FAF1: variants seen among roughly 807,000 people sequenced by gnomAD.
FAF1 encodes the protein Fas associated factor 1.
FAF1 carries 25 observed loss-of-function variants against 92.5 expected under a neutral mutation model. That is an observed-to-expected ratio of 0.27 (90% CI 0.20 to 0.38). The LOEUF is 0.38. FAF1 is among the 10% of genes least tolerant of loss of function. The pLI is 1.00. For missense variants in FAF1, 636 were observed against 793.3 expected (o/e 0.80, Z 2.38); for synonymous variants, 234 against 273.2 (o/e 0.86, Z 1.42).
At chr1:50,702,068 A>G (rs561508024) in intron 7 of FAF1, among the ~76,000 whole-genome samples, 3 of 152,248 alleles carry the variant, frequency 2.0e-5, no homozygotes, top group Admixed American at 6.5e-5. Flanking sequence ...TTTATATGAC[A>G]TCTACAAAGA....
chr1:50,889,003 T>C (rs1644695327), intron 1 of FAF1, among the ~76,000 whole-genome samples: 1 of 152,208 alleles, frequency 6.6e-6, no homozygotes, highest in Admixed American at 6.5e-5. Flanking sequence ...CCGGACTTTT[T>C]TTGGTTGGTA....
At chr1:50,883,895 C>A (rs570018277) in intron 1 of FAF1, among the ~76,000 whole-genome samples, 3 of 152,192 alleles carry the variant, frequency 2.0e-5, no homozygotes, top group African/African-American at 7.2e-5. Context: ...GAGGGTGAGG[C>A]AGGCGGATCA....
chr1:50,682,105 G>T (rs974203173), intron 7 of FAF1, among the ~76,000 whole-genome samples: 1 of 151,994 alleles, frequency 6.6e-6, no homozygotes, highest in African/African-American at 2.4e-5. Context: ...AAAGTGAAGG[G>T]ATTACAGGTG....
intron 4 of FAF1, among the ~76,000 whole-genome samples, chr1:50,761,242 C>T (rs543607523): frequency 1.1e-3 from 164 of 152,254 alleles, no homozygotes; most frequent in African/African-American, 3.1e-3. Context: ...AATTCACAGC[C>T]GAATTCTACC....
intron 4 of FAF1, among the ~76,000 whole-genome samples, chr1:50,773,701 A>C (rs1660852528): frequency 6.6e-6 from 1 of 152,194 alleles, no homozygotes; most frequent in South Asian, 2.1e-4. Flanking sequence ...TCCGTGGATA[A>C]AGAGAAAATA....
intron 1 of FAF1, among the ~76,000 whole-genome samples, chr1:50,868,483 C>T (rs909705722): frequency 3.9e-5 from 6 of 152,034 alleles, no homozygotes; most frequent in African/African-American, 9.7e-5. Context: ...CAGCTTCTTA[C>T]GGTGGAAGTA....
At chr1:50,834,629 G>A (rs1033789116) in intron 2 of FAF1, among the ~76,000 whole-genome samples, 6 of 152,180 alleles carry the variant, frequency 3.9e-5, no homozygotes, top group African/African-American at 1.4e-4. Context: ...CAATACTCAG[G>A]ATGAACAAAG....
intron 12 of FAF1, among the ~76,000 whole-genome samples, chr1:50,577,926 A>T (rs2149063386): frequency 6.6e-6 from 1 of 152,352 alleles, no homozygotes; most frequent in Non-Finnish European, 1.5e-5. Flanking sequence ...AGGCAAAAAG[A>T]ACGATGAGTA....
At chr1:50,832,198 ATCCTC>A (rs1158231119) in intron 2 of FAF1, among the ~76,000 whole-genome samples, 1 of 152,162 alleles carries the variant, frequency 6.6e-6, no homozygotes, top group Admixed American at 6.5e-5. Flanking sequence ...TCCCAAAACC[ATCCTC>A]TACTCCAGTC....
rs145301607 is a variant in FAF1 at position 50,602,589 on chromosome 1, G to A, written c.745-6373C>T. 2.8e-3 allele frequency among the ~76,000 whole-genome samples: 412 copies of A among 147,282 alleles called. 4 individuals are homozygous for A. Among genetic ancestry groups the A allele is most frequent in the Non-Finnish European group, 1.0e-3 (70 of 67,466 alleles). On this transcript the variant is annotated intron_variant, in intron 8 of 18. Transcript: ENST00000396153. ...GTGATCTCAGCTCACTGCAACCTCC[G>A]TCTCCCAGGTTCAAACGATTCTCCT...
At chr1:50,497,556 T>C in intron 15 of FAF1, among the ~76,000 whole-genome samples, 1 of 122,726 alleles carries the variant, frequency 8.1e-6, no homozygotes, top group African/African-American at 3.5e-5. Flanking sequence ...TTTTTTTTTT[T>C]TTTTTTTTTT....
intron 6 of FAF1, among the ~76,000 whole-genome samples, chr1:50,731,772 C>T (rs959443066): frequency 1.3e-5 from 2 of 152,124 alleles, no homozygotes; most frequent in Non-Finnish European, 2.9e-5. Flanking sequence ...TTTATGTTCA[C>T]TTCTAAGTAT....
intron 3 of FAF1, among the ~76,000 whole-genome samples, chr1:50,800,057 A>G (rs775162244): frequency 4.6e-5 from 7 of 152,204 alleles, no homozygotes; most frequent in Non-Finnish European, 8.8e-5. Flanking sequence ...CAAAAAAAGC[A>G]AACAAAACCA....
At chr1:50,730,513 C>A (rs924628465) in intron 6 of FAF1, among the ~76,000 whole-genome samples, 65 of 152,146 alleles carry the variant, frequency 4.3e-4, no homozygotes, top group Admixed American at 4.1e-3. Context: ...ACTTACTCTG[C>A]GGTTATTATT....
intron 4 of FAF1, chr1:50,781,145 C>G: frequency 3.7e-6 from 1 of 271,552 alleles, no homozygotes; most frequent in South Asian, 3.5e-5. Context: ...CTCCGGGTGC[C>G]CCGGTGAGGG....
At chr1:50,923,672 G>T (rs747027656) in intron 1 of FAF1, among the ~76,000 whole-genome samples, 2 of 152,050 alleles carry the variant, frequency 1.3e-5, no homozygotes, top group African/African-American at 2.4e-5. Flanking sequence ...AGATTCGATA[G>T]AATCCTCAAC....
At chr1:50,467,708 C>T (rs967469782) in intron 18 of FAF1, among the ~76,000 whole-genome samples, 3 of 152,130 alleles carry the variant, frequency 2.0e-5, no homozygotes, top group East Asian at 3.8e-4. Flanking sequence ...ACACAGGCTC[C>T]GCAGTCATAT....
In FAF1 at chr1:50,922,818, CAA is replaced by C. The variant is rs754253837; in HGVS notation, c.45+36947_45+36948del. ...CAGGCAACAGTGCGAGAATCCACCA[CAA>C]AAAAAAAAAAAAAAAAAAAGGCAAA... On this transcript the variant is annotated intron_variant, in intron 1 of 18. Transcript: ENST00000396153. 4.7e-3 allele frequency among the ~76,000 whole-genome samples: 267 copies of C among 56,878 alleles called. 2 individuals are homozygous for C. The highest frequency in any genetic ancestry group is 0.015 in the African/African-American group (251 of 16,542). 37.3% of individuals were successfully genotyped at this position (56,878 alleles called of 152,430 possible).
At chr1:50,468,844 C>T (rs113315055) in intron 18 of FAF1, among the ~76,000 whole-genome samples, 3 of 152,274 alleles carry the variant, frequency 2.0e-5, no homozygotes, top group East Asian at 1.9e-4. Context: ...GATCTGTCTG[C>T]CTCAGACTTC....
Sources: allele counts gnomAD v4.1 joint callset (sites outside exome capture counted in the v4.1 genomes callset), GRCh38; gene constraint gnomAD v4.1.1; transcripts MANE v1.5; gene names NCBI Gene and HGNC (gene_info 2026-07-23, HGNC 2026-07-21).